FGGY: variants seen among roughly 807,000 people sequenced by gnomAD.
FGGY encodes FGGY carbohydrate kinase domain-containing protein.
A neutral mutation model predicts 71.3 loss-of-function variants in FGGY; 72 were observed. The ratio of observed to expected loss-of-function variants is 1.01; its 90% CI spans 0.84 to 1.23. The LOEUF (loss-of-function observed/expected upper bound fraction) is 1.23, where lower values mean the gene tolerates loss of function less well. Among genes scored for constraint, FGGY ranks in the 50% most tolerant of loss-of-function variants. The pLI is 0.00. For missense variants in FGGY, 668 were observed against 682.3 expected (o/e 0.98, Z 0.23); for synonymous variants, 251 against 250.3 (o/e 1.00, Z -0.02).
chr1:59,499,479 T>C (rs892269641), intron 6 of FGGY, among the ~76,000 whole-genome samples: 31 of 152,012 alleles, frequency 2.0e-4, no homozygotes, highest in Non-Finnish European at 7.4e-5. Flanking sequence ...AACTTATGAA[T>C]TGTTTATTTC....
At position 59,653,808 on chromosome 1, in the gene FGGY, G is replaced by A. The variant is rs1386677594; in HGVS notation, c.1222-6411G>A. Among the ~76,000 whole-genome samples the A allele has an allele frequency of 4.6e-5, 7 of 152,152 alleles. No individual in the cohort carries two copies. In the East Asian group the frequency reaches 1.4e-3, roughly 29 times the overall value. ...CACCATCTTTTAAGCCAGCAATGAT[G>A]GGTCAAATCTTTCTCATGCTTTGAA... On this transcript the variant is annotated intron_variant, in intron 11 of 15. Transcript: ENST00000303721.
At chr1:59,592,020 A>G (rs942099118) in intron 8 of FGGY, among the ~76,000 whole-genome samples, 2 of 152,220 alleles carry the variant, frequency 1.3e-5, no homozygotes, top group Non-Finnish European at 2.9e-5. Flanking sequence ...AAATGGGTGA[A>G]AATTTTCGCA....
chr1:59,359,962 C>G (rs923504881), intron 4 of FGGY, among the ~76,000 whole-genome samples: 1 of 152,030 alleles, frequency 6.6e-6, no homozygotes. Flanking sequence ...GGGTCTGAAC[C>G]GTGGCATGGA....
intron 11 of FGGY, among the ~76,000 whole-genome samples, chr1:59,646,400 T>C (rs2097094498): frequency 1.3e-5 from 2 of 151,758 alleles, no homozygotes; most frequent in African/African-American, 2.4e-5. Flanking sequence ...CCTGGTTTTC[T>C]GATTATATAT....
chr1:59,538,398 A>G (rs965363247), intron 7 of FGGY, among the ~76,000 whole-genome samples: 5 of 152,006 alleles, frequency 3.3e-5, no homozygotes, highest in Non-Finnish European at 7.4e-5. Flanking sequence ...TGTTGGTGGG[A>G]CTGTAAACTA....
intron 9 of FGGY, among the ~76,000 whole-genome samples, chr1:59,609,994 A>G (rs1254321233): frequency 6.6e-6 from 1 of 152,250 alleles, no homozygotes; most frequent in Non-Finnish European, 1.5e-5. Flanking sequence ...GGAAGACATC[A>G]TCTATGGCTA....
At chr1:59,549,990 G>A (rs901022384) in intron 7 of FGGY, among the ~76,000 whole-genome samples, 1 of 152,160 alleles carries the variant, frequency 6.6e-6, no homozygotes, top group African/African-American at 2.4e-5. Flanking sequence ...CATTGAGTTA[G>A]CCTGTTTTTC....
At chr1:59,730,139 C>A (rs964133628) in intron 14 of FGGY, among the ~76,000 whole-genome samples, 1 of 152,102 alleles carries the variant, frequency 6.6e-6, no homozygotes, top group Admixed American at 6.6e-5. Context: ...CAAATTACCA[C>A]TGAAGTGTCC....
intron 9 of FGGY, among the ~76,000 whole-genome samples, chr1:59,619,216 G>T (rs1243276458): frequency 6.6e-6 from 1 of 151,902 alleles, no homozygotes. Context: ...TATATTTGAG[G>T]TACTGTTCTG....
chr1:59,457,751 G>A (rs1437203725), intron 6 of FGGY, among the ~76,000 whole-genome samples: 1 of 152,186 alleles, frequency 6.6e-6, no homozygotes, highest in Non-Finnish European at 1.5e-5. Context: ...TAGGTTCACA[G>A]GACAAGGCAA....
At chr1:59,537,500 T>C (rs1005285895) in intron 7 of FGGY, among the ~76,000 whole-genome samples, 1 of 152,148 alleles carries the variant, frequency 6.6e-6, no homozygotes, top group African/African-American at 2.4e-5. Flanking sequence ...AAAACTACTT[T>C]AAACTTCATA....
In FGGY at chr1:59,717,573, CTTGGGT is replaced by C. The variant is rs1285901687; in HGVS notation, c.1513-40352_1513-40347del. Among the ~76,000 whole-genome samples the C allele has an allele frequency of 4.6e-5, 7 of 152,188 alleles. No individual in the cohort carries two copies. The South Asian group carries it at 1.5e-3, about 32-fold the overall frequency. ...GCAATCCTGGGATGAACACCCAGAG[CTTGGGT>C]TTGGGATGGCTGAAGAACTTATGCC... On this transcript the variant is annotated intron_variant, in intron 14 of 15. Coordinates refer to ENST00000303721, the MANE Select transcript of FGGY (RefSeq NM_018291.5).
intron 5 of FGGY, among the ~76,000 whole-genome samples, chr1:59,383,202 A>G (rs972463307): frequency 9.2e-5 from 14 of 152,172 alleles, no homozygotes; most frequent in African/African-American, 1.9e-4. Flanking sequence ...TGTTCAAAAC[A>G]TGTATCCCCA....
intron 8 of FGGY, among the ~76,000 whole-genome samples, chr1:59,594,174 C>T (rs561464512): frequency 6.6e-4 from 100 of 152,270 alleles, no homozygotes; most frequent in African/African-American, 2.3e-3. Flanking sequence ...GCACCTGCTG[C>T]GTTTGTAGCC....
chr1:59,679,941 A>G (rs2097479645), intron 14 of FGGY, among the ~76,000 whole-genome samples: 1 of 152,174 alleles, frequency 6.6e-6, no homozygotes, highest in Non-Finnish European at 1.5e-5. Flanking sequence ...ACACATCCTA[A>G]ATTATCTCTA....
intron 5 of FGGY, among the ~76,000 whole-genome samples, chr1:59,404,025 A>G (rs908412058): frequency 6.6e-6 from 1 of 152,228 alleles, no homozygotes; most frequent in Non-Finnish European, 1.5e-5. Flanking sequence ...ATTCATAATG[A>G]TGATGTTTAA....
chr1:59,655,988 A>T (rs910215470), intron 11 of FGGY, among the ~76,000 whole-genome samples: 2 of 152,200 alleles, frequency 1.3e-5, no homozygotes, highest in African/African-American at 4.8e-5. Flanking sequence ...TATTTACATA[A>T]GTGCTTTATA....
intron 5 of FGGY, among the ~76,000 whole-genome samples, chr1:59,418,605 G>C (rs553284876): frequency 1.2e-3 from 190 of 152,286 alleles, no homozygotes; most frequent in African/African-American, 4.1e-3. Context: ...GAGGAGTGGG[G>C]GAAAGTCATT....
At chr1:59,595,005 G>A (rs906964045) in intron 8 of FGGY, among the ~76,000 whole-genome samples, 2 of 152,178 alleles carry the variant, frequency 1.3e-5, no homozygotes, top group African/African-American at 2.4e-5. Flanking sequence ...GAAAGGGGAA[G>A]GGCTGGTTCC....
Sources: gnomAD v4.1 joint callset for allele counts (sites outside exome capture counted in the v4.1 genomes callset) on GRCh38, gnomAD v4.1.1 for gene constraint, MANE v1.5 for transcripts, NCBI Gene and HGNC (gene_info 2026-07-23, HGNC 2026-07-21) for gene names.